The following RANBP17 variants were observed in gnomAD, a reference collection of about 807,000 sequenced individuals.
The protein encoded by RANBP17 is RAN binding protein 17.
Under a neutral mutation model 141.2 loss-of-function variants are expected in RANBP17, and 158 were observed. The observed-to-expected ratio is 1.12, with a 90% CI of 0.98 to 1.28. The LOEUF (loss-of-function observed/expected upper bound fraction) is 1.28, where lower values mean the gene tolerates loss of function less well. Ranked by LOEUF, RANBP17 falls within the 50% of genes most tolerant of loss-of-function variation. RANBP17 has a pLI of 0.00. For synonymous variants in RANBP17, 430 were observed against 450.0 expected (o/e 0.96, Z 0.56); for missense variants, 1,438 against 1,290.7 (o/e 1.11, Z -1.75).
At position 171,171,214 on chromosome 5, in the gene RANBP17, AC is replaced by A; in HGVS notation, c.1795del (p.Lys600AsnfsTer9). ...CTTTTTTTCATATTTAGTGTTACAA[AC>A]CTTAAATACTGGGGAAGATATGAGC... is the stretch of plus-strand genomic sequence containing the variant. The part of the protein sequence containing the change: ...LETFMTKIVT[N>X]LKYWGRYEPV... On this transcript the variant is annotated frameshift_variant, in exon 16 of 28. Coordinates refer to ENST00000523189, the MANE Select transcript of RANBP17 (RefSeq NM_022897.5). LOFTEE classifies it high-confidence loss of function. The A allele has an allele frequency of 1.3e-6, 2 of 1,576,928 alleles. No homozygotes were observed.
chr5:170,913,653 G>T (rs1024663970), intron 7 of RANBP17, among the ~76,000 whole-genome samples: 2 of 152,054 alleles, frequency 1.3e-5, no homozygotes, highest in African/African-American at 4.8e-5. Context: ...GGGTGGTAGG[G>T]TTGTGGCATT....
intron 25 of RANBP17, among the ~76,000 whole-genome samples, chr5:171,281,025 G>A (rs1767830723): frequency 6.6e-6 from 1 of 152,158 alleles, no homozygotes; most frequent in South Asian, 2.1e-4. Flanking sequence ...TCACCCAAGG[G>A]AATTCTATAG....
intron 14 of RANBP17, among the ~76,000 whole-genome samples, chr5:171,101,915 G>T (rs1787192277): frequency 6.6e-6 from 1 of 152,154 alleles, no homozygotes; most frequent in Admixed American, 6.5e-5. Flanking sequence ...AATGTTGAAT[G>T]TTGGCCCCCA....
intron 18 of RANBP17, among the ~76,000 whole-genome samples, chr5:171,199,346 G>T (rs1762164663): frequency 1.3e-5 from 2 of 152,226 alleles, no homozygotes; most frequent in East Asian, 3.9e-4. Context: ...CTTTGAAAGT[G>T]GTCTTCCTTG....
chr5:171,106,712 A>G (rs1175013051), intron 14 of RANBP17, among the ~76,000 whole-genome samples: 1 of 152,162 alleles, frequency 6.6e-6, no homozygotes, highest in Non-Finnish European at 1.5e-5. Context: ...CTGGTTTTAC[A>G]ATATAATCAC....
At chr5:171,130,497 C>T (rs1161235653) in intron 14 of RANBP17, among the ~76,000 whole-genome samples, 1 of 118,328 alleles carries the variant, frequency 8.5e-6, no homozygotes, top group Non-Finnish European at 1.6e-5. Context: ...AGTGCAATGG[C>T]ATGATCTCGG....
chr5:170,876,863 A>T (rs1768222644), intron 1 of RANBP17, among the ~76,000 whole-genome samples: 1 of 152,120 alleles, frequency 6.6e-6, no homozygotes, highest in African/African-American at 2.4e-5. Flanking sequence ...GCATTTTTTT[A>T]AAAGGAATAT....
At chr5:170,936,124 G>A (rs1397272957) in intron 12 of RANBP17, among the ~76,000 whole-genome samples, 4 of 152,180 alleles carry the variant, frequency 2.6e-5, no homozygotes, top group East Asian at 1.9e-4. Context: ...CTGGTGTGCC[G>A]TCTGCTAAGG....
chr5:171,151,700 A>C (rs1758493128), intron 14 of RANBP17, among the ~76,000 whole-genome samples: 1 of 152,182 alleles, frequency 6.6e-6, no homozygotes, highest in African/African-American at 2.4e-5. Context: ...GATGGATGGC[A>C]TTCTTATATA....
chr5:171,206,021 C>G (rs994921725), intron 20 of RANBP17: 2 of 325,112 alleles, frequency 6.2e-6, no homozygotes, highest in Non-Finnish European at 6.0e-6. Flanking sequence ...ACCCATCATG[C>G]CACAGTTTTT....
At chr5:171,274,123 T>TGTGC in intron 25 of RANBP17, among the ~76,000 whole-genome samples, 1 of 122,934 alleles carries the variant, frequency 8.1e-6, no homozygotes, top group Admixed American at 8.2e-5. Flanking sequence ...TGTGTGTGTG[T>TGTGC]GTGTGTGTGT....
intron 22 of RANBP17, among the ~76,000 whole-genome samples, chr5:171,224,289 C>T (rs1212047214): frequency 6.6e-6 from 1 of 152,218 alleles, no homozygotes; most frequent in Non-Finnish European, 1.5e-5. Flanking sequence ...ATCAGTAGAA[C>T]TTTAACTATG....
chr5:171,018,796 G>C (rs992536633), intron 14 of RANBP17, among the ~76,000 whole-genome samples: 4 of 152,134 alleles, frequency 2.6e-5, no homozygotes, highest in African/African-American at 7.2e-5. Flanking sequence ...ATACTACATT[G>C]AATAGGAGTG....
intron 22 of RANBP17, among the ~76,000 whole-genome samples, chr5:171,236,909 A>G (rs927584902): frequency 1.3e-5 from 2 of 152,096 alleles, no homozygotes; most frequent in African/African-American, 2.4e-5. Context: ...TCTGTACTAT[A>G]TGTTTATCTT....
At chr5:171,055,319 A>G (rs987606751) in intron 14 of RANBP17, among the ~76,000 whole-genome samples, 9 of 152,166 alleles carry the variant, frequency 5.9e-5, no homozygotes, top group South Asian at 4.1e-4. Flanking sequence ...CAGGAAAAAA[A>G]CATCAGAAAC....
At chr5:170,952,918 G>C (rs1342571096) in intron 12 of RANBP17, among the ~76,000 whole-genome samples, 3 of 151,996 alleles carry the variant, frequency 2.0e-5, no homozygotes, top group Non-Finnish European at 4.4e-5. Context: ...GTCAATTTCA[G>C]CTGCCCCCAA....
rs915775086 is a variant in RANBP17 at position 171,252,169 on chromosome 5, A to T, written c.2776+9349A>T. 24 of 1,584,710 alleles carry T rather than the reference A, an allele frequency of 1.5e-5. No individual in the cohort carries two copies. In the African/African-American group the frequency reaches 3.2e-4, roughly 21 times the overall value. ...AAAGAAGATGAGCTTTTTGACAACT[A>T]CATGCAACAAGATCCCCCATGAATT... On this transcript the variant is annotated intron_variant, in intron 24 of 27. Transcript: ENST00000523189.
chr5:171,142,115 G>A (rs1479332502), intron 14 of RANBP17, among the ~76,000 whole-genome samples: 3 of 152,256 alleles, frequency 2.0e-5, no homozygotes, highest in South Asian at 2.1e-4. Context: ...AAATAGAGGT[G>A]TTAAATTTCT....
chr5:171,252,562 C>T, intron 24 of RANBP17: 1 of 1,377,154 alleles, frequency 7.3e-7, no homozygotes, highest in Non-Finnish European at 1.0e-6. Context: ...AGTTTAAAAA[C>T]TGCCCATGAT....
Sources: gnomAD v4.1 joint callset for allele counts (sites outside exome capture counted in the v4.1 genomes callset) on GRCh38, gnomAD v4.1.1 for gene constraint, MANE v1.5 for transcripts, NCBI Gene and HGNC (gene_info 2026-07-23, HGNC 2026-07-21) for gene names.